Variants in INO80 observed in about 807,000 individuals in gnomAD.
INO80 encodes the protein INO80 complex ATPase subunit.
In INO80, 20 loss-of-function variants were observed where a neutral mutation model predicts 203.4. That is an observed-to-expected ratio of 0.10 (90% CI 0.07 to 0.14). The LOEUF (loss-of-function observed/expected upper bound fraction) is 0.14, where lower values mean the gene tolerates loss of function less well. Among genes scored for constraint, INO80 ranks in the 10% least tolerant of loss-of-function variants. INO80 has a pLI of 1.00. For missense variants in INO80, 1,419 were observed against 1,914.4 expected (o/e 0.74, Z 4.83); for synonymous variants, 726 against 685.2 (o/e 1.06, Z -0.93).
At chr15:41,034,052 ACT>A (rs2044533133) in intron 24 of INO80, among the ~76,000 whole-genome samples, 2 of 152,014 alleles carry the variant, frequency 1.3e-5, no homozygotes, top group South Asian at 2.1e-4. Flanking sequence ...ACAGAGCGAG[ACT>A]CTGTCTCAAA....
intron 24 of INO80, among the ~76,000 whole-genome samples, chr15:41,037,277 G>A (rs1488742797): frequency 6.6e-6 from 1 of 151,708 alleles, no homozygotes; most frequent in Non-Finnish European, 1.5e-5. Context: ...GGGAAGCTGA[G>A]GTGGGAAACT....
chr15:41,038,095 A>C (rs2044610494), intron 24 of INO80, among the ~76,000 whole-genome samples: 1 of 135,536 alleles, frequency 7.4e-6, no homozygotes, highest in Non-Finnish European at 1.6e-5. Flanking sequence ...GCTCACTGCA[A>C]CCTTCGTCTC....
chr15:40,998,303 G>A (rs1231428210), intron 28 of INO80, among the ~76,000 whole-genome samples: 4 of 152,018 alleles, frequency 2.6e-5, no homozygotes, highest in Admixed American at 1.3e-4. Context: ...TTATAGACGC[G>A]AGCCACCGTG....
chr15:40,984,024 C>G, intron 33 of INO80, 103 bp from the exon 34 acceptor site: 1 of 1,435,912 alleles, frequency 7.0e-7, no homozygotes, highest in Non-Finnish European at 9.6e-7. Flanking sequence ...GCTTTGGCTT[C>G]TGAGAAACCA....
chr15:41,092,002 G>C lies in INO80; in HGVS notation c.537+25C>G, dbSNP rs775779556. 3.2e-6 allele frequency: 5 copies of C among 1,570,092 alleles called. No homozygotes were observed. The South Asian group carries it at 3.4e-5, about 11-fold the overall frequency. On this transcript the variant is annotated intron_variant, in intron 5 of 35. Transcript: ENST00000648947. ...AAAGCAGAGGGTGAATATTCAGTTT[G>C]AAGTGTTTCTCCTGAAACTCTTACC... is the stretch of plus-strand genomic sequence containing the variant.
At chr15:41,069,247 C>G (rs1223366928) in intron 14 of INO80, among the ~76,000 whole-genome samples, 2 of 152,044 alleles carry the variant, frequency 1.3e-5, no homozygotes, top group Admixed American at 6.6e-5. Context: ...CCCCTCACCC[C>G]CCTGGCCCTG....
intron 29 of INO80, among the ~76,000 whole-genome samples, chr15:40,992,949 C>T (rs144635628): frequency 2.6e-5 from 4 of 152,250 alleles, no homozygotes; most frequent in East Asian, 1.9e-4. Flanking sequence ...TGTGCCACCA[C>T]GCCTGACTAA....
chr15:41,087,748 C>T, intron 5 of INO80, 66 bp from the exon 6 acceptor site: 2 of 1,521,490 alleles, frequency 1.3e-6, no homozygotes, highest in Non-Finnish European at 8.8e-7. Context: ...ACCTTTACTA[C>T]AGAAAACTAA....
At chr15:40,990,221 A>G (rs561797474) in intron 29 of INO80, among the ~76,000 whole-genome samples, 16 of 152,312 alleles carry the variant, frequency 1.1e-4, no homozygotes, top group Admixed American at 3.9e-4. Flanking sequence ...GTCTCCCTCC[A>G]CAACCTACAG....
At chr15:41,049,504 T>A in intron 20 of INO80, 84 bp from the exon 21 acceptor site, 10 of 1,284,954 alleles carry the variant, frequency 7.8e-6, no homozygotes, top group Non-Finnish European at 1.0e-5. Context: ...CCCAAATGTT[T>A]ACCTTTGGGA....
At chr15:41,091,349 C>G (rs149314719) in intron 5 of INO80, among the ~76,000 whole-genome samples, 2 of 152,110 alleles carry the variant, frequency 1.3e-5, no homozygotes, top group East Asian at 3.9e-4. Flanking sequence ...CGTGAGCCAC[C>G]GCACCCAGTC....
chr15:41,082,819 C>T (rs1211251004), intron 7 of INO80, among the ~76,000 whole-genome samples: 5 of 151,984 alleles, frequency 3.3e-5, no homozygotes, highest in South Asian at 2.1e-4. Context: ...GGGAGATCAA[C>T]GCTGAAGTGA....
At chr15:41,014,828 T>C (rs2044180240) in intron 27 of INO80, among the ~76,000 whole-genome samples, 1 of 152,218 alleles carries the variant, frequency 6.6e-6, no homozygotes, top group Non-Finnish European at 1.5e-5. Flanking sequence ...AAACCCTCCT[T>C]AATGCTAGCC....
intron 27 of INO80, among the ~76,000 whole-genome samples, chr15:41,014,421 T>C (rs1361696350): frequency 6.6e-6 from 1 of 152,236 alleles, no homozygotes; most frequent in African/African-American, 2.4e-5. Context: ...GTTACTCATG[T>C]TGTTTTGGCT....
rs777501578 is a variant in INO80 at position 40,980,190 on chromosome 15, G to A, written c.*33C>T. On this transcript the variant is annotated 3_prime_UTR_variant, in exon 36 of 36. Transcript: ENST00000648947. ...CTGGCAGGTCAGGACTCTAGCCCTG[G>A]TTTGGTTGAAGGAAGTCGGAGGGCC... The A allele has an allele frequency of 6.4e-6, 10 of 1,572,470 alleles. No homozygotes were observed. In the Admixed American group the frequency reaches 1.7e-4, roughly 26 times the overall value.
chr15:41,007,182 CTTTTTTTTTTTTTTTTTTT>C, intron 27 of INO80, among the ~76,000 whole-genome samples: 1 of 119,312 alleles, frequency 8.4e-6, no homozygotes, highest in East Asian at 2.4e-4. Flanking sequence ...TTTTTTTTTT[CTTTTTTTTTTTTTTTTTTT>C]TAGACACTGT....
At chr15:41,080,974 T>C in intron 8 of INO80, 46 bp downstream of exon 8, 1 of 1,257,342 alleles carries the variant, frequency 8.0e-7, no homozygotes, top group Non-Finnish European at 1.2e-6. Context: ...AAGAAGAATA[T>C]ATTCCAGCAA....
In INO80 at chr15:41,025,010, G is replaced by A. The variant is rs555203175; in HGVS notation, c.3048+2586C>T. Among the ~76,000 whole-genome samples the A allele has an allele frequency of 1.5e-4, 23 of 152,128 alleles. No homozygotes were observed. The South Asian group carries it at 2.7e-3, about 18-fold the overall frequency. The stretch of plus-strand genomic sequence containing the variant: ...TTCTTCCTGTCCTCCTAATAATCAC[G>A]GTGTAATTACTCCCATTTTCAGGTT... On this transcript the variant is annotated intron_variant, in intron 25 of 35. Transcript: ENST00000648947.
Position 40,983,825 on chromosome 15 carries a change from G to A in INO80, c.4174C>T (p.Pro1392Ser). 1.2e-6 allele frequency: 2 copies of A among 1,612,928 alleles called. No homozygotes were observed. Among genetic ancestry groups the A allele is most frequent in the Non-Finnish European group, 1.7e-6 (2 of 1,180,018 alleles). The stretch of plus-strand genomic sequence containing the variant: ...GGAGAGTTGGTAGCTCGAGACTGAG[G>A]GGCTGAGGAGGCTGGGTCATCCACA... ...VIVDDPASSA[P>S]QSRATNSPAS... The change falls in exon 34 of 36, where the codon CCT (proline) becomes TCT (serine). Residue 1392 changes from proline (P) to serine (S), a missense_variant. By Grantham distance (74) the Pro-to-Ser change is moderately conservative (BLOSUM62 -1). Transcript: ENST00000648947.
Sources: gnomAD v4.1 joint callset for allele counts (sites outside exome capture counted in the v4.1 genomes callset) on GRCh38, gnomAD v4.1.1 for gene constraint, MANE v1.5 for transcripts, NCBI Gene and HGNC (gene_info 2026-07-23, HGNC 2026-07-21) for gene names.